Variants in EIF5B observed in about 807,000 individuals in gnomAD.
The protein encoded by EIF5B is eIF-5B.
A neutral mutation model predicts 147.5 loss-of-function variants in EIF5B; 47 were observed. The ratio of observed to expected loss-of-function variants is 0.32; its 90% CI spans 0.25 to 0.41. The LOEUF is 0.41. EIF5B is among the 10% of genes least tolerant of loss of function. The pLI is 1.00. For synonymous variants in EIF5B, 455 were observed against 456.2 expected, an observed-to-expected ratio of 1.00 and a Z score of 0.03; for missense variants, 1,064 against 1,413.2, an observed-to-expected ratio of 0.75 and a Z score of 3.96.
At chr2:99,390,940 A>G (rs7574135) in intron 17 of EIF5B, among the ~76,000 whole-genome samples, 1 of 151,932 alleles carries the variant, frequency 6.6e-6, no homozygotes, top group Non-Finnish European at 1.5e-5. Context: ...CTACACTGTT[A>G]TGGTTCTACA....
chr2:99,374,586 A>G (rs954690355), intron 9 of EIF5B, among the ~76,000 whole-genome samples: 1 of 152,072 alleles, frequency 6.6e-6, no homozygotes, highest in African/African-American at 2.4e-5. Context: ...TTATATGTTT[A>G]CTGAGTGAGG....
Position 99,394,594 on chromosome 2 carries a change from T to A in EIF5B, c.3089+9T>A. 6.2e-7 allele frequency: 1 copy of A among 1,614,110 alleles called. No individual in the cohort carries two copies. The highest frequency in any genetic ancestry group is 8.5e-7 in the Non-Finnish European group (1 of 1,179,994). On this transcript the variant is annotated intron_variant, in intron 20 of 23. Coordinates refer to ENST00000289371, the MANE Select transcript of EIF5B (RefSeq NM_015904.4). The stretch of plus-strand genomic sequence containing the variant: ...TTGGAACATGACCCTCAGTAAGTAA[T>A]TTCTCTTGCTATGAAGGCTTTCATG...
intron 1 of EIF5B, among the ~76,000 whole-genome samples, chr2:99,357,276 T>C (rs1674114691): frequency 6.6e-6 from 1 of 152,232 alleles, no homozygotes; most frequent in Admixed American, 6.5e-5. Flanking sequence ...TTTGAATTTT[T>C]CAAGCAAGTA....
chr2:99,345,943 CA>C (rs70940169), intron 1 of EIF5B, among the ~76,000 whole-genome samples: 53,013 of 136,918 alleles, frequency 0.39, 10,381 homozygotes, highest in East Asian at 0.64. Context: ...GACCCTGTCT[CA>C]AAAAAAAAAA....
chr2:99,385,689 A>ATTGTAGT (rs1674790026), intron 14 of EIF5B, among the ~76,000 whole-genome samples: 1 of 152,162 alleles, frequency 6.6e-6, no homozygotes, highest in African/African-American at 2.4e-5. Context: ...GGCTTGCTTT[A>ATTGTAGT]TTGTAGTATT....
At chr2:99,339,380 G>A (rs1373417880) in intron 1 of EIF5B, among the ~76,000 whole-genome samples, 8 of 151,830 alleles carry the variant, frequency 5.3e-5, no homozygotes, top group Non-Finnish European at 1.5e-5. Flanking sequence ...AAGTATATCT[G>A]TAAGAAATAT....
At chr2:99,351,459 T>A (rs1673953074) in intron 1 of EIF5B, among the ~76,000 whole-genome samples, 1 of 152,208 alleles carries the variant, frequency 6.6e-6, no homozygotes, top group African/African-American at 2.4e-5. Flanking sequence ...TTCATTTCTC[T>A]TAGGTAAATA....
chr2:99,393,784 T>A, intron 18 of EIF5B, among the ~76,000 whole-genome samples: 1 of 152,218 alleles, frequency 6.6e-6, no homozygotes, highest in East Asian at 1.9e-4. Context: ...GTGGCATTGA[T>A]AAACTTGTTT....
At chr2:99,385,547 G>A (rs1432945587) in intron 14 of EIF5B, among the ~76,000 whole-genome samples, 1 of 152,102 alleles carries the variant, frequency 6.6e-6, no homozygotes, top group African/African-American at 2.4e-5. Context: ...AGCATTTTTA[G>A]CAATATTTTA....
rs1296881188 is a variant in EIF5B at position 99,399,527 on chromosome 2, T to C, written c.*113T>C. 4 of 925,194 alleles carry C rather than the reference T, an allele frequency of 4.3e-6. No individual in the cohort carries two copies. Among genetic ancestry groups the C allele is most frequent in the Non-Finnish European group, 6.6e-6 (4 of 607,560 alleles). The allele number at this position is 925,194 out of a possible 1,614,324, so 57.3% of individuals were successfully genotyped here. On this transcript the variant is annotated 3_prime_UTR_variant, in exon 24 of 24. Transcript: ENST00000289371. ...ATTTGGACACTGATGGACTTAAGTA[T>C]GGAAGGAAGAAAAATAGGTGTATAA...
intron 14 of EIF5B, among the ~76,000 whole-genome samples, chr2:99,383,249 GGATAAAT>G (rs1262731143): frequency 2.0e-5 from 3 of 151,972 alleles, no homozygotes; most frequent in African/African-American, 7.3e-5. Flanking sequence ...AGGTTATCTG[GGATAAAT>G]GATCTTTGTT....
chr2:99,376,393 G>A lies in EIF5B; in HGVS notation c.1599G>A (p.Glu533=), dbSNP rs758115455. ...TAGAAGTAAAAGAAAACCCTGAAGA[G>A]GAGGAGGAGGAGGAAGAAGAGGAAG... is the stretch of plus-strand genomic sequence containing the variant. ...VHIEVKENPE[E]EEEEEEEEEE... Residue 533 remains glutamate, a synonymous_variant, in exon 10 of 24, where the codon GAG becomes GAA. Coordinates refer to ENST00000289371, the MANE Select transcript of EIF5B (RefSeq NM_015904.4). 63 of 1,485,500 alleles carry A rather than the reference G, an allele frequency of 4.2e-5. No homozygotes were observed. The highest frequency in any genetic ancestry group is 5.3e-5 in the Non-Finnish European group (57 of 1,079,874). The allele number at this position is 1,485,500 out of a possible 1,614,324, so 92.0% of individuals were successfully genotyped here.
intron 14 of EIF5B, among the ~76,000 whole-genome samples, chr2:99,383,188 C>T (rs557001342): frequency 1.1e-4 from 16 of 151,852 alleles, no homozygotes; most frequent in African/African-American, 2.7e-4. Context: ...CACTTCTTGT[C>T]ACATTTTGTT....
At chr2:99,374,533 T>G (rs1033384994) in intron 9 of EIF5B, among the ~76,000 whole-genome samples, 18 of 152,128 alleles carry the variant, frequency 1.2e-4, no homozygotes, top group Non-Finnish European at 2.5e-4. Flanking sequence ...ACATTCTGTT[T>G]TGCTTTCTAA....
At chr2:99,346,603 T>TA (rs1030927328) in intron 1 of EIF5B, among the ~76,000 whole-genome samples, 5 of 139,054 alleles carry the variant, frequency 3.6e-5, no homozygotes, top group Admixed American at 2.2e-4. Flanking sequence ...TTTTTTTTTT[T>TA]TTTTTTTTTT....
At chr2:99,366,076 C>A (rs1674321806) in intron 6 of EIF5B, among the ~76,000 whole-genome samples, 2 of 137,580 alleles carry the variant, frequency 1.5e-5, no homozygotes, top group Admixed American at 7.7e-5. Context: ...TAGCCTGTGA[C>A]TACTAAGCAT....
rs533276265 is a variant in EIF5B, at chr2:99,358,543, A to G, written c.36-1693A>G. ...GAATGACAGTGTTCAGATCTGGTAC[A>G]CAATCACCTGGAAATATTGTTGCTA... On this transcript the variant is annotated intron_variant, in intron 1 of 23. Coordinates refer to ENST00000289371, the MANE Select transcript of EIF5B (RefSeq NM_015904.4). 9.2e-5 allele frequency among the ~76,000 whole-genome samples: 14 copies of G among 152,340 alleles called. 1 individual carries two copies. The South Asian group carries it at 2.9e-3, about 32-fold the overall frequency.
At chr2:99,340,543 T>C (rs2094257233) in intron 1 of EIF5B, 1 of 152,234 alleles carries the variant, frequency 6.6e-6, no homozygotes, top group Non-Finnish European at 1.5e-5. Flanking sequence ...TTTCAGTTCT[T>C]GGACAGAACA....
At chr2:99,349,990 C>T (rs1469973528) in intron 1 of EIF5B, among the ~76,000 whole-genome samples, 1 of 152,130 alleles carries the variant, frequency 6.6e-6, no homozygotes, top group East Asian at 1.9e-4. Flanking sequence ...CTACTCTTTA[C>T]TTTTATGAAA....
Sources: gnomAD v4.1 joint callset for allele counts (sites outside exome capture counted in the v4.1 genomes callset) on GRCh38, gnomAD v4.1.1 for gene constraint, MANE v1.5 for transcripts, NCBI Gene and HGNC (gene_info 2026-07-23, HGNC 2026-07-21) for gene names.